YPEL1: variants seen among roughly 807,000 people sequenced by gnomAD.
YPEL1 encodes yippee like 1, also known as protein yippee-like 1.
Under a neutral mutation model 17.3 loss-of-function variants are expected in YPEL1, and 7 were observed. That is an observed-to-expected ratio of 0.40 (90% CI 0.23 to 0.76). The LOEUF (loss-of-function observed/expected upper bound fraction) is 0.76. Among genes scored for constraint, YPEL1 ranks in the 30% least tolerant of loss-of-function variants. YPEL1 has a pLI of 0.35. For missense variants in YPEL1, 91 were observed against 155.5 expected (o/e 0.59, Z 2.21); for synonymous variants, 59 against 59.6 (o/e 0.99, Z 0.05).
At chr22:21,725,440 C>T (rs145052123) in intron 1 of YPEL1, among the ~76,000 whole-genome samples, 51 of 151,080 alleles carry the variant, frequency 3.4e-4, no homozygotes, top group African/African-American at 9.2e-4. Flanking sequence ...TATCTTGCCT[C>T]GGCTGGTCTC....
At chr22:21,712,489 G>T (rs1008337642) in intron 1 of YPEL1, among the ~76,000 whole-genome samples, 3 of 134,782 alleles carry the variant, frequency 2.2e-5, no homozygotes, top group Non-Finnish European at 5.1e-5. Flanking sequence ...CATTATGGGA[G>T]GCCGAAGAAG....
chr22:21,716,111 G>C (rs2148606257), intron 1 of YPEL1, among the ~76,000 whole-genome samples: 1 of 152,202 alleles, frequency 6.6e-6, no homozygotes, highest in South Asian at 2.1e-4. Context: ...GTTTCACCAT[G>C]TTGTCCAGGC....
At chr22:21,704,547 C>T (rs957174710) in intron 2 of YPEL1, among the ~76,000 whole-genome samples, 1 of 151,422 alleles carries the variant, frequency 6.6e-6, no homozygotes, top group Non-Finnish European at 1.5e-5. Flanking sequence ...ACCCCAGCTA[C>T]TTGGGTGGCT....
intron 1 of YPEL1, among the ~76,000 whole-genome samples, chr22:21,721,538 CTCAGCCTCCTGAGTAGT>C (rs1158232909): frequency 2.0e-5 from 3 of 152,120 alleles, no homozygotes; most frequent in Non-Finnish European, 2.9e-5. Flanking sequence ...ATTCTCCTGC[CTCAGCCTCCTGAGTAGT>C]TTGGATTACA....
intron 1 of YPEL1, among the ~76,000 whole-genome samples, chr22:21,734,054 C>CAA (rs892379625): frequency 6.6e-6 from 1 of 151,060 alleles, no homozygotes; most frequent in Non-Finnish European, 1.5e-5. Flanking sequence ...CCAGTCTCTA[C>CAA]AAAAAAAAAT....
intron 2 of YPEL1, among the ~76,000 whole-genome samples, chr22:21,707,647 C>G (rs1764106719): frequency 6.6e-6 from 1 of 152,174 alleles, no homozygotes; most frequent in Non-Finnish European, 1.5e-5. Context: ...TTTCCCACAT[C>G]CTCATCAGTC....
chr22:21,698,366 G>A lies in YPEL1; in HGVS notation c.*2763C>T, dbSNP rs1199108488. The A allele has an allele frequency of 6.6e-6, 1 of 151,810 alleles. No individual in the cohort carries two copies. The allele number at this position is 151,810 out of a possible 1,614,324, so 9.4% of individuals were successfully genotyped here. On this transcript the variant is annotated 3_prime_UTR_variant, in exon 5 of 5. Transcript: ENST00000339468. ...AAACCAAAGTGCCCAAATAGAAGGA[G>A]CAGCGAACTTGCCCAAAACAGAAAA...
intron 1 of YPEL1, among the ~76,000 whole-genome samples, chr22:21,712,368 A>T (rs1454856588): frequency 2.1e-4 from 1 of 4,670 alleles, no homozygotes. Flanking sequence ...TGGAATATGT[A>T]AAAAAAAAAA....
intron 1 of YPEL1, among the ~76,000 whole-genome samples, chr22:21,733,208 A>G (rs1238870883): frequency 6.6e-6 from 1 of 152,112 alleles, no homozygotes; most frequent in Admixed American, 6.6e-5. Flanking sequence ...ATCTGAGGTC[A>G]AGAGTTTGAG....
intron 1 of YPEL1, among the ~76,000 whole-genome samples, chr22:21,731,381 T>A (rs1351824039): frequency 6.6e-6 from 1 of 151,364 alleles, no homozygotes; most frequent in Non-Finnish European, 1.5e-5. Flanking sequence ...TGTGCAACAC[T>A]AGCCTTGTTA....
At chr22:21,731,176 G>A (rs9610184) in intron 1 of YPEL1, among the ~76,000 whole-genome samples, 3,637 of 151,970 alleles carry the variant, frequency 0.024, 72 homozygotes, top group Admixed American at 0.038. Context: ...TCAGGAGTTC[G>A]AGACCAGCCT....
intron 1 of YPEL1, among the ~76,000 whole-genome samples, chr22:21,713,847 G>A (rs1007334252): frequency 4.6e-5 from 7 of 152,284 alleles, no homozygotes; most frequent in Admixed American, 2.0e-4. Context: ...GCAACAGGAC[G>A]TGCGCCAAGT....
At chr22:21,729,327 A>G (rs1185928843) in intron 1 of YPEL1, among the ~76,000 whole-genome samples, 2 of 149,726 alleles carry the variant, frequency 1.3e-5, no homozygotes, top group Admixed American at 6.7e-5. Flanking sequence ...AAAGTTGATA[A>G]GGTCAGGGGT....
At chr22:21,732,147 T>A (rs1023210163) in intron 1 of YPEL1, among the ~76,000 whole-genome samples, 3 of 152,242 alleles carry the variant, frequency 2.0e-5, no homozygotes, top group Admixed American at 6.5e-5. Flanking sequence ...AGCATCTGTA[T>A]AGCAGGTGTA....
At chr22:21,704,054 A>C in intron 2 of YPEL1, 172 bp from the exon 3 acceptor site, 1 of 758,536 alleles carries the variant, frequency 1.3e-6, no homozygotes, top group Non-Finnish European at 2.4e-6. Flanking sequence ...ACAGCCACTT[A>C]ACGGAGCTGC....
intron 1 of YPEL1, among the ~76,000 whole-genome samples, chr22:21,727,677 C>T (rs988163013): frequency 1.3e-5 from 2 of 152,236 alleles, no homozygotes; most frequent in South Asian, 2.1e-4. Context: ...AGGAAGCAAA[C>T]AAAACCAAGC....
At position 21,703,841 on chromosome 22, in the gene YPEL1, G is replaced by A. The variant is rs770060181; in HGVS notation, c.159C>T (p.Ser53=). Residue 53 remains serine, a splice_region_variant and synonymous_variant, in exon 3 of 5, where the codon TCC becomes TCT. Coordinates refer to ENST00000339468, the MANE Select transcript of YPEL1 (RefSeq NM_013313.5). The surrounding 1 kb of genome is among the most constrained non-coding windows in gnomAD (Gnocchi z 6.1). ...GSQGRAYLFN[S]VVNVGCGPAE... Reference sequence around the variant, plus strand: ...CCGGGCTGAACCAGGGTACTCACACGGAATTGAAGAGGTAGGCGCGTCCCT... The same window carrying A: ...CCGGGCTGAACCAGGGTACTCACACAGAATTGAAGAGGTAGGCGCGTCCCT... The A allele has an allele frequency of 9.3e-6, 15 of 1,609,554 alleles. No individual in the cohort carries two copies. Among genetic ancestry groups the A allele is most frequent in the Admixed American group, 1.7e-5 (1 of 59,526 alleles).
intron 1 of YPEL1, among the ~76,000 whole-genome samples, chr22:21,717,390 A>C (rs1395508797): frequency 3.9e-5 from 6 of 151,914 alleles, no homozygotes; most frequent in South Asian, 2.1e-4. Context: ...AAAAAAAAAA[A>C]AACAAAAAAA....
At chr22:21,716,396 C>T (rs939639976) in intron 1 of YPEL1, among the ~76,000 whole-genome samples, 1 of 152,238 alleles carries the variant, frequency 6.6e-6, no homozygotes, top group Non-Finnish European at 1.5e-5. Context: ...CCGCCAGGCA[C>T]CATCTGGGGA....
Sources: allele counts gnomAD v4.1 joint callset (sites outside exome capture counted in the v4.1 genomes callset), GRCh38; gene constraint gnomAD v4.1.1; non-coding constraint Gnocchi (gnomAD v3.1); transcripts MANE v1.5; gene names NCBI Gene and HGNC (gene_info 2026-07-23, HGNC 2026-07-21).